The following CDADC1 variants were observed in gnomAD, a reference collection of about 807,000 sequenced individuals.
CDADC1 encodes dCTP deaminase.
Under a neutral mutation model 54.9 loss-of-function variants are expected in CDADC1, and 39 were observed. The observed-to-expected ratio is 0.71, with a 90% confidence interval of 0.55 to 0.93. The LOEUF is 0.93. Ranked by LOEUF, CDADC1 falls within the 40% of genes least tolerant of loss-of-function variation. The probability of loss-of-function intolerance (pLI) is 0.00; values close to 1 mark genes in which losing one functional copy is unlikely to be tolerated. For missense variants in CDADC1, 518 were observed against 618.8 expected (o/e 0.84, Z 1.73); for synonymous variants, 186 against 204.0 (o/e 0.91, Z 0.75).
chr13:49,255,951 A>G (rs1952536381), intron 3 of CDADC1, 38 bp downstream of exon 3: 1 of 1,593,202 alleles, frequency 6.3e-7, no homozygotes, highest in South Asian at 1.2e-5. Flanking sequence ...TGCTCATAAT[A>G]ACAAAGCAAA....
chr13:49,251,994 C>T (rs1399397397), intron 2 of CDADC1, among the ~76,000 whole-genome samples: 1 of 152,198 alleles, frequency 6.6e-6, no homozygotes, highest in Non-Finnish European at 1.5e-5. Flanking sequence ...AAATCTGACT[C>T]ATACGCATGT....
At chr13:49,271,252 GAA>G (rs60484858) in intron 5 of CDADC1, among the ~76,000 whole-genome samples, 1,587 of 151,970 alleles carry the variant, frequency 0.01, 24 homozygotes, top group African/African-American at 0.036. Context: ...CAAAAAAGTG[GAA>G]AAAAAAAGTG....
chr13:49,288,403 A>G (rs561224889), intron 9 of CDADC1, among the ~76,000 whole-genome samples: 1 of 152,362 alleles, frequency 6.6e-6, no homozygotes, highest in African/African-American at 2.4e-5. Context: ...ACTACAACAT[A>G]ATTTCAGAAC....
intron 6 of CDADC1, 90 bp downstream of exon 6, chr13:49,274,430 A>C (rs181409808): frequency 0.014 from 13,124 of 960,496 alleles, 129 homozygotes; most frequent in Non-Finnish European, 0.016. Context: ...ACTGACTGCC[A>C]AGGCGGGCAG....
intron 4 of CDADC1, among the ~76,000 whole-genome samples, chr13:49,264,808 T>G (rs1952778006): frequency 2.0e-5 from 3 of 152,188 alleles, no homozygotes; most frequent in Non-Finnish European, 4.4e-5. Flanking sequence ...TATCAAGTCT[T>G]TATGTGCCAG....
At chr13:49,266,883 C>T (rs995708204) in intron 4 of CDADC1, among the ~76,000 whole-genome samples, 6 of 152,060 alleles carry the variant, frequency 3.9e-5, no homozygotes, top group Non-Finnish European at 8.8e-5. Context: ...GAAAACTAGG[C>T]AATATTAGTT....
chr13:49,283,943 G>A (rs1392978700), intron 8 of CDADC1, among the ~76,000 whole-genome samples: 1 of 152,158 alleles, frequency 6.6e-6, no homozygotes, highest in Non-Finnish European at 1.5e-5. Context: ...TTCTAAATCT[G>A]AATTTCAGTA....
chr13:49,283,981 A>G (rs893694160), intron 8 of CDADC1, among the ~76,000 whole-genome samples: 1 of 152,240 alleles, frequency 6.6e-6, no homozygotes, highest in Non-Finnish European at 1.5e-5. Context: ...AGTGTGTGTC[A>G]ATAAATTTGG....
intron 9 of CDADC1, among the ~76,000 whole-genome samples, chr13:49,287,484 A>ATCTG (rs56116915): frequency 0.29 from 44,370 of 151,622 alleles, 6,640 homozygotes; most frequent in East Asian, 0.5. Context: ...CTATCTATCT[A>ATCTG]TCTATCTATC....
At position 49,267,955 on chromosome 13, in the gene CDADC1, A is replaced by G; in HGVS notation, c.896A>G (p.Tyr299Cys). ...CCGAACTTTAAACACTTCGGATTTT[A>G]CCGTAGCAATCCAGAACAGATTAAT... is the stretch of plus-strand genomic sequence containing the variant. ...SVPNFKHFGF[Y>C]RSNPEQINEI... is the part of the protein sequence containing the mutation. The change falls in exon 5 of 10, where the codon TAC (tyrosine) becomes TGC (cysteine). Residue 299 changes from tyrosine (Y) to cysteine (C), a missense_variant. Transcript: ENST00000251108. 1.2e-6 allele frequency: 2 copies of G among 1,614,152 alleles called. No individual in the cohort carries two copies. Among genetic ancestry groups the G allele is most frequent in the South Asian group, 1.1e-5 (1 of 91,084 alleles).
At chr13:49,267,156 G>A (rs1362274725) in intron 4 of CDADC1, among the ~76,000 whole-genome samples, 1 of 152,180 alleles carries the variant, frequency 6.6e-6, no homozygotes, top group Non-Finnish European at 1.5e-5. Context: ...AAGTGAATGG[G>A]TGTGTCTGTG....
rs527978242 is a variant in CDADC1, at chr13:49,255,757, C to T, written c.178-82C>T. On this transcript the variant is annotated intron_variant, in intron 2 of 9. Transcript: ENST00000251108. ...AAAAAATGGTCAAAGCCAAGGAAGC[C>T]AGCCTTTAAATATGGGAATATTGAA... is the stretch of plus-strand genomic sequence containing the variant. 22 of 1,545,444 alleles carry T rather than the reference C, an allele frequency of 1.4e-5. No homozygotes were observed. The South Asian group carries it at 2.2e-4, about 15-fold the overall frequency.
At chr13:49,279,240 C>G (rs145723435) in intron 7 of CDADC1, among the ~76,000 whole-genome samples, 238 of 152,304 alleles carry the variant, frequency 1.6e-3, no homozygotes, top group African/African-American at 5.3e-3. Flanking sequence ...TATGAGACGG[C>G]ATCCACCTCG....
chr13:49,280,665 G>T lies in CDADC1; in HGVS notation c.1377G>T (p.Arg459Ser). 3 of 1,587,048 alleles carry T rather than the reference G, an allele frequency of 1.9e-6. No homozygotes were observed. Among genetic ancestry groups the T allele is most frequent in the Non-Finnish European group, 2.6e-6 (3 of 1,170,150 alleles). The part of the protein sequence containing the change: ...GKKKADISYM[R>S]FGELEGVSKF... Reference sequence around the variant, plus strand: ...AGAAGGCAGACATCTCTTACATGAGGTTCGGGGAGCTTGAAGGTGTTAGCA... The same window carrying T: ...AGAAGGCAGACATCTCTTACATGAGTTTCGGGGAGCTTGAAGGTGTTAGCA... Residue 459 changes from arginine (R) to serine (S), a missense_variant, in exon 8 of 10, where the codon AGG becomes AGT. Transcript: ENST00000251108.
At position 49,280,630 on chromosome 13, in the gene CDADC1, G is replaced by T; in HGVS notation, c.1342G>T (p.Val448Phe). The stretch of plus-strand genomic sequence containing the variant: ...ACAAATCTATGCAGGAGATGTAGAT[G>T]TTGGAAAAAAGAAGGCAGACATCTC... Reference protein sequence around the residue: ...IKQIYAGDVDVGKKKADISYM... With the variant: ...IKQIYAGDVDFGKKKADISYM... Residue 448 changes from valine (V) to phenylalanine (F), a missense_variant, in exon 8 of 10, where the codon GTT becomes TTT. Val to Phe is a conservative substitution (Grantham distance 50, BLOSUM62 -1). Transcript: ENST00000251108. 1 of 1,601,904 alleles carries T rather than the reference G, an allele frequency of 6.2e-7. No individual in the cohort carries two copies.
At chr13:49,282,236 G>GTTTTTTTTTTTTTTTTTTTTTTTTTTTT (rs759792512) in intron 8 of CDADC1, among the ~76,000 whole-genome samples, 7 of 94,144 alleles carry the variant, frequency 7.4e-5, no homozygotes, top group Non-Finnish European at 8.3e-5. Flanking sequence ...GTTTTTGTGG[G>GTTTTTTTTTTTTTTTTTTTTTTTTTTTT]TTTTTTTTTT....
chr13:49,289,249 C>G (rs1184733719), intron 9 of CDADC1, among the ~76,000 whole-genome samples: 3 of 150,656 alleles, frequency 2.0e-5, no homozygotes, highest in African/African-American at 4.9e-5. Flanking sequence ...CTGCCTTAGC[C>G]TCCCAAGTAT....
chr13:49,267,578 T>C lies in CDADC1; in HGVS notation c.519T>C (p.Asp173=). The change falls in exon 5 of 10, where the codon GAT becomes GAC. Residue 173 remains aspartate, a synonymous_variant. Coordinates refer to ENST00000251108, the MANE Select transcript of CDADC1 (RefSeq NM_030911.4). ...EASSSEDAKL[D]AKAVERLKSN... is the part of the protein sequence containing the mutation. ...CTAGTTCTGAAGATGCAAAGTTAGA[T>C]GCCAAAGCAGTGGAAAGATTGAAGT... 1 of 1,614,174 alleles carries C rather than the reference T, an allele frequency of 6.2e-7. No homozygotes were observed. The highest frequency in any genetic ancestry group is 8.5e-7 in the Non-Finnish European group (1 of 1,180,020).
chr13:49,254,516 C>T (rs1952501251), intron 2 of CDADC1, among the ~76,000 whole-genome samples: 1 of 151,922 alleles, frequency 6.6e-6, no homozygotes, highest in African/African-American at 2.4e-5. Flanking sequence ...AATTCTCCTG[C>T]CTCAGCCTCC....
Sources: allele counts gnomAD v4.1 joint callset (sites outside exome capture counted in the v4.1 genomes callset), GRCh38; gene constraint gnomAD v4.1.1; transcripts MANE v1.5; gene names NCBI Gene and HGNC (gene_info 2026-07-23, HGNC 2026-07-21).